The following AMMECR1 variants were observed in gnomAD, a reference collection of about 807,000 sequenced individuals.
AMMECR1 encodes the protein AMMECR nuclear protein 1.
In AMMECR1, 3 loss-of-function variants were observed where a neutral mutation model predicts 22.5. The observed-to-expected ratio is 0.13, with a 90% confidence interval of 0.06 to 0.35. The LOEUF (loss-of-function observed/expected upper bound fraction) is 0.35. Among genes scored for constraint, AMMECR1 ranks in the 10% least tolerant of loss-of-function variants. The pLI is 1.00. For missense variants in AMMECR1, 235 were observed against 278.7 expected (o/e 0.84, Z 1.12); for synonymous variants, 130 against 116.7 (o/e 1.11, Z -0.74).
At chrX:110,287,866 G>A (rs1405752539) in intron 1 of AMMECR1, among the ~76,000 whole-genome samples, 1 of 111,803 alleles carries the variant, frequency 8.9e-6, no homozygotes, top group Non-Finnish European at 1.9e-5. Flanking sequence ...GCAGTTGATG[G>A]GGTCAACTTA....
chrX:110,288,167 T>C (rs986515868), intron 1 of AMMECR1, among the ~76,000 whole-genome samples: 2 of 111,610 alleles, frequency 1.8e-5, no homozygotes, highest in African/African-American at 6.5e-5. Context: ...CTTGGAGCCA[T>C]CAGATAGCAT....
At chrX:110,230,360 C>A (rs2067558164) in intron 2 of AMMECR1, among the ~76,000 whole-genome samples, 1 of 112,233 alleles carries the variant, frequency 8.9e-6, no homozygotes, top group Admixed American at 9.4e-5. Flanking sequence ...TGTTCTGTAG[C>A]CTCCGCTGGT....
At chrX:110,266,706 T>C (rs1197137283) in intron 1 of AMMECR1, among the ~76,000 whole-genome samples, 1 of 109,430 alleles carries the variant, frequency 9.1e-6, no homozygotes, top group Non-Finnish European at 1.9e-5. Flanking sequence ...TTTTAAATTA[T>C]ACTTTAAGTT....
chrX:110,223,794 G>A (rs1026804024), intron 2 of AMMECR1, among the ~76,000 whole-genome samples: 1 of 111,939 alleles, frequency 8.9e-6, no homozygotes, highest in African/African-American at 3.2e-5. Context: ...CAAAATTGAA[G>A]TAATCGTTAA....
chrX:110,250,409 T>C lies in AMMECR1; in HGVS notation c.584+14080A>G, dbSNP rs1443346204. 5.4e-5 allele frequency among the ~76,000 whole-genome samples: 6 copies of C among 111,699 alleles called. No homozygotes were observed. In the South Asian group the frequency reaches 1.5e-3, roughly 28 times the overall value. ...AGTCTAAGGTAGACTGTGAGAGATA[T>C]TGTGGCAGCAGTAGCTTCAAAGGTT... On this transcript the variant is annotated intron_variant, in intron 2 of 5. Transcript: ENST00000262844.
intron 2 of AMMECR1, among the ~76,000 whole-genome samples, chrX:110,328,481 TA>T (rs2068106853): frequency 9.8e-6 from 1 of 102,306 alleles, no homozygotes; most frequent in South Asian, 4.4e-4. Context: ...TTTTTTTTTT[TA>T]ACACTTTAAG....
chrX:110,376,056 G>A (rs2068374523), intron 2 of AMMECR1, among the ~76,000 whole-genome samples: 1 of 111,559 alleles, frequency 9.0e-6, no homozygotes, highest in Non-Finnish European at 1.9e-5. Context: ...GATTCAGAAA[G>A]GTTAAATGAC....
intron 2 of AMMECR1, among the ~76,000 whole-genome samples, chrX:110,388,611 G>A (rs188175509): frequency 2.6e-4 from 29 of 112,356 alleles, no homozygotes; most frequent in Middle Eastern, 4.6e-3. Context: ...GTTCTCAGGC[G>A]TGAGGATGCA....
intron 1 of AMMECR1, among the ~76,000 whole-genome samples, chrX:110,300,137 T>G (rs1308418883): frequency 8.9e-6 from 1 of 112,436 alleles, no homozygotes; most frequent in Non-Finnish European, 1.9e-5. Flanking sequence ...CCAATTTACA[T>G]TCCAACCAAC....
intron 2 of AMMECR1, among the ~76,000 whole-genome samples, chrX:110,364,510 C>T (rs958526957): frequency 3.2e-4 from 36 of 111,489 alleles, no homozygotes; most frequent in African/African-American, 1.2e-3. Context: ...TATTTGGTTT[C>T]CTAAGTAGAT....
At chrX:110,377,134 T>C (rs1468556701) in intron 2 of AMMECR1, among the ~76,000 whole-genome samples, 1 of 111,638 alleles carries the variant, frequency 9.0e-6, no homozygotes, top group Non-Finnish European at 1.9e-5. Context: ...TGAAGATACT[T>C]ACAGGAGATA....
At chrX:110,334,669 T>C (rs1298072371) in intron 2 of AMMECR1, among the ~76,000 whole-genome samples, 1 of 112,458 alleles carries the variant, frequency 8.9e-6, no homozygotes, top group Non-Finnish European at 1.9e-5. Flanking sequence ...GTTTAATCGC[T>C]TTCAAATGAA....
intron 2 of AMMECR1, among the ~76,000 whole-genome samples, chrX:110,413,339 C>T (rs1411091674): frequency 9.0e-6 from 1 of 111,438 alleles, no homozygotes; most frequent in East Asian, 2.8e-4. Context: ...GGACACTGTC[C>T]ACACTCCCAC....
chrX:110,395,479 T>G (rs1202710784), intron 2 of AMMECR1, among the ~76,000 whole-genome samples: 1 of 111,873 alleles, frequency 8.9e-6, no homozygotes, highest in Non-Finnish European at 1.9e-5. Context: ...GTAATCCTCA[T>G]GTAATCCTAC....
At chrX:110,219,261 C>T in intron 2 of AMMECR1, 2 of 497,090 alleles carry the variant, frequency 4.0e-6, no homozygotes, top group Non-Finnish European at 4.9e-6. Flanking sequence ...TTCCCAGCAG[C>T]AATGTATGAG....
intron 2 of AMMECR1, among the ~76,000 whole-genome samples, 186 bp from the exon 3 acceptor site, chrX:110,216,818 A>G (rs1290531626): frequency 8.9e-6 from 1 of 111,887 alleles, no homozygotes; most frequent in Non-Finnish European, 1.9e-5. Flanking sequence ...TTTTCATTTA[A>G]TAGATTGTGT....
chrX:110,395,859 C>T (rs1207539470), intron 2 of AMMECR1, among the ~76,000 whole-genome samples: 2 of 111,132 alleles, frequency 1.8e-5, no homozygotes, highest in Non-Finnish European at 3.8e-5. Context: ...GCCTGCCTAG[C>T]TGCTGGCTGC....
intron 2 of AMMECR1, among the ~76,000 whole-genome samples, chrX:110,392,423 T>C (rs1205876724): frequency 9.1e-6 from 1 of 110,396 alleles, no homozygotes; most frequent in Non-Finnish European, 1.9e-5. Flanking sequence ...CTTACAGTCA[T>C]GTGCCGTCAT....
At chrX:110,416,239 G>A (rs994118534) in intron 2 of AMMECR1, among the ~76,000 whole-genome samples, 17 of 111,891 alleles carry the variant, frequency 1.5e-4, no homozygotes, top group African/African-American at 5.5e-4. Flanking sequence ...TTGAAGCCGA[G>A]TTCAGCTGGT....
Sources: gnomAD v4.1 joint callset for allele counts (sites outside exome capture counted in the v4.1 genomes callset) on GRCh38, gnomAD v4.1.1 for gene constraint, MANE v1.5 for transcripts, NCBI Gene and HGNC (gene_info 2026-07-23, HGNC 2026-07-21) for gene names.